Variants in DMBT1 observed in about 807,000 individuals in gnomAD.
The protein encoded by DMBT1 is deleted in malignant brain tumors 1.
In DMBT1, 198 loss-of-function variants were observed where a neutral mutation model predicts 252.9. That is an observed-to-expected ratio of 0.78 (90% CI 0.70 to 0.88). The LOEUF (loss-of-function observed/expected upper bound fraction) is 0.88, where lower values mean the gene tolerates loss of function less well. Among genes scored for constraint, DMBT1 ranks in the 40% least tolerant of loss-of-function variants. DMBT1 has a pLI of 0.00. For synonymous variants in DMBT1, 990 were observed against 942.7 expected (o/e 1.05, Z -0.92); for missense variants, 2,432 against 2,404.7 (o/e 1.01, Z -0.24).
rs561523976 is a variant in DMBT1, at chr10:122,593,581, G to A, written c.2513G>A (p.Arg838Gln). The A allele has an allele frequency of 4.4e-5, 70 of 1,587,044 alleles. 4 individuals are homozygous for A. In the African/African-American group the frequency reaches 6.5e-4, roughly 15 times the overall value. Residue 838 changes from arginine to glutamine, a missense_variant, in exon 21 of 56, where the codon CGG becomes CAG. Around this residue, in one of 3 missense-constraint regions of DMBT1, gnomAD observed 1,264 missense variants for 1,082.2 expected, o/e 1.17. Transcript: ENST00000338354. The part of the protein sequence containing the change: ...AGVICSVSQS[R>Q]PTPSPDTWPT... The stretch of plus-strand genomic sequence containing the variant: ...CTCTTTCTCACAGTTTCCCAGTCCC[G>A]GCCGACACCCAGTCCAGGTAGGTCC...
At position 122,636,156 on chromosome 10, in the gene DMBT1, G is replaced by A. The variant is rs773739198; in HGVS notation, c.6714G>A (p.Gly2238=). The A allele has an allele frequency of 1.1e-5, 17 of 1,613,842 alleles. No individual in the cohort carries two copies. The South Asian group carries it at 1.8e-4, about 17-fold the overall frequency. ...FISDHSITRR[G]FRAEYYSSPS... ...GTGACCACAGCATCACAAGGAGAGG[G>A]TTCCGGGCTGAGTACTACTCCAGTC... The change falls in exon 53 of 56, where the codon GGG becomes GGA. Residue 2238 remains glycine, a synonymous_variant. Coordinates refer to ENST00000338354, the MANE Select transcript of DMBT1 (RefSeq NM_001377530.1).
At chr10:122,572,970 A>G (rs1483572141) in intron 5 of DMBT1, among the ~76,000 whole-genome samples, 1 of 152,194 alleles carries the variant, frequency 6.6e-6, no homozygotes, top group Non-Finnish European at 1.5e-5. Flanking sequence ...TCCTGGACCT[A>G]ACCCAGCAAG....
At chr10:122,617,406 T>G (rs112800121) in intron 40 of DMBT1, 146 bp downstream of exon 40, 13 of 1,053,626 alleles carry the variant, frequency 1.2e-5, no homozygotes, top group Admixed American at 2.0e-5. Context: ...TTCTAGGGAG[T>G]CAGCCCTGGG....
intron 9 of DMBT1, 129 bp from the exon 10 acceptor site, chr10:122,579,449 G>T (rs1389235460): frequency 3.2e-6 from 5 of 1,547,046 alleles, no homozygotes; most frequent in African/African-American, 2.7e-5. Flanking sequence ...CCTAGTCTGT[G>T]GTCATATGCA....
intron 46 of DMBT1, 35 bp downstream of exon 46, chr10:122,626,000 A>G: frequency 6.3e-7 from 1 of 1,576,118 alleles, no homozygotes; most frequent in Non-Finnish European, 8.7e-7. Context: ...ACCATAGGTC[A>G]TACATTTCTT....
intron 44 of DMBT1, among the ~76,000 whole-genome samples, chr10:122,622,965 C>T (rs1235408455): frequency 6.6e-6 from 1 of 152,214 alleles, no homozygotes; most frequent in African/African-American, 2.4e-5. Flanking sequence ...CTCTCCCTGG[C>T]TGTTGCCCAT....
chr10:122,575,961 A>G (rs2097708226), intron 6 of DMBT1, among the ~76,000 whole-genome samples: 1 of 152,176 alleles, frequency 6.6e-6, no homozygotes, highest in African/African-American at 2.4e-5. Flanking sequence ...CTATAAGGCC[A>G]GGAATATCAC....
chr10:122,560,822 C>T lies in DMBT1; in HGVS notation c.52C>T (p.Leu18=), dbSNP rs1383390305. The T allele has an allele frequency of 6.4e-7, 1 of 1,569,276 alleles. No individual in the cohort carries two copies. The highest frequency in any genetic ancestry group is 8.7e-7 in the Non-Finnish European group (1 of 1,154,948). ...AATGTGTCTTTTATGGGGACAAGTT[C>T]TATCTACAGGTATTACGTTTAATTA... ...LEMCLLWGQV[L]STGGWIPRTT... is the part of the protein sequence containing the mutation. Residue 18 remains leucine (L), a synonymous_variant, in exon 1 of 56, where the codon CTA becomes TTA. Coordinates refer to ENST00000338354, the MANE Select transcript of DMBT1 (RefSeq NM_001377530.1).
chr10:122,579,618 C>T lies in DMBT1; in HGVS notation c.720C>T (p.Gly240=), dbSNP rs199795989. The change falls in exon 10 of 56, where the codon GGC becomes GGT. Residue 240 remains glycine, a synonymous_variant. Transcript: ENST00000338354. The stretch of plus-strand genomic sequence containing the variant: ...TGGCCCTGAGGCTGGTGAATGGAGG[C>T]GACAGGTGTCGAGGCCGAGTGGAGG... ...SSLALRLVNG[G]DRCRGRVEVL... 8.6e-5 allele frequency: 138 copies of T among 1,613,478 alleles called. No homozygotes were observed. The highest frequency in any genetic ancestry group is 3.7e-4 in the African/African-American group (28 of 75,022).
At chr10:122,633,045 T>C (rs2098179059) in intron 51 of DMBT1, 146 bp from the exon 52 acceptor site, 2 of 1,497,288 alleles carry the variant, frequency 1.3e-6, no homozygotes, top group South Asian at 1.3e-5. Flanking sequence ...ACGGTCCAGA[T>C]CTAGGCCACC....
intron 6 of DMBT1, 85 bp from the exon 7 acceptor site, chr10:122,576,313 AT>A: frequency 4.6e-6 from 7 of 1,536,224 alleles, no homozygotes; most frequent in Non-Finnish European, 6.2e-6. Context: ...ATATCTGCCT[AT>A]GGGGAAGACC....
At position 122,618,008 on chromosome 10, in the gene DMBT1, C is replaced by T. The variant is rs768390590; in HGVS notation, c.4892-9C>T. 4.3e-6 allele frequency: 7 copies of T among 1,612,096 alleles called. No individual in the cohort carries two copies. Among genetic ancestry groups the T allele is most frequent in the Non-Finnish European group, 5.1e-6 (6 of 1,179,712 alleles). ...GGGATGGATGAAGGGTTCTTGTGTTCCCCTGTAGGATCTGAATCCACTTTG... is the reference window on the plus strand; with the variant it reads ...GGGATGGATGAAGGGTTCTTGTGTTTCCCTGTAGGATCTGAATCCACTTTG... On this transcript the variant is annotated splice_polypyrimidine_tract_variant and intron_variant, in intron 40 of 55. Transcript: ENST00000338354.
At chr10:122,585,850 A>G (rs1011304660) in intron 15 of DMBT1, among the ~76,000 whole-genome samples, 1 of 148,786 alleles carries the variant, frequency 6.7e-6, no homozygotes, top group Non-Finnish European at 1.5e-5. Context: ...GTAGGGTCAC[A>G]GGTGCTTCCC....
chr10:122,621,371 A>G lies in DMBT1; in HGVS notation c.5599A>G (p.Ile1867Val). Reference protein sequence around the residue: ...NCGHHEDAGVICSATQINSTT... With the variant: ...NCGHHEDAGVVCSATQINSTT... ...TGGCCATCACGAAGACGCTGGTGTC[A>G]TCTGCTCAGGTGGGCCTTCAAGACC... The change falls in exon 44 of 56, where the codon ATC (isoleucine) becomes GTC (valine). Residue 1867 changes from isoleucine to valine, a missense_variant. Ile to Val is a conservative substitution (Grantham distance 29). This residue lies in a region of DMBT1 where 1,162 missense variants were observed against 1,169.0 expected (regional missense o/e 0.99). Transcript: ENST00000338354. The G allele has an allele frequency of 6.2e-7, 1 of 1,613,860 alleles. No individual in the cohort carries two copies. Among genetic ancestry groups the G allele is most frequent in the Non-Finnish European group, 8.5e-7 (1 of 1,179,748 alleles).
chr10:122,589,248 T>C lies in DMBT1; in HGVS notation c.2088T>C (p.Asp696=), dbSNP rs764944464. The change falls in exon 17 of 56, where the codon GAT becomes GAC. Residue 696 remains aspartate (D), a synonymous_variant. Coordinates refer to ENST00000338354, the MANE Select transcript of DMBT1 (RefSeq NM_001377530.1). ...WLSHNCGHHE[D]AGVICSAAQS... is the part of the protein sequence containing the mutation. ...CCCACAACTGTGGCCATCATGAAGA[T>C]GCTGGTGTCATCTGCTCAGGTGGGC... 1.5e-5 allele frequency: 24 copies of C among 1,588,524 alleles called. 6 individuals are homozygous for C. In the South Asian group the frequency reaches 2.0e-4, roughly 13 times the overall value.
intron 16 of DMBT1, among the ~76,000 whole-genome samples, chr10:122,587,386 G>C (rs139662701): frequency 2.0e-5 from 3 of 148,722 alleles, no homozygotes; most frequent in Non-Finnish European, 4.5e-5. Flanking sequence ...GGGGGTGTGA[G>C]TGCTTGATTG....
intron 41 of DMBT1, 101 bp from the exon 42 acceptor site, chr10:122,619,206 TG>T: frequency 6.9e-7 from 1 of 1,442,132 alleles, no homozygotes; most frequent in Non-Finnish European, 9.8e-7. Flanking sequence ...GGGACTAGGA[TG>T]GACTGAGTGT....
chr10:122,569,596 C>T (rs983153950), intron 2 of DMBT1, among the ~76,000 whole-genome samples: 9 of 152,140 alleles, frequency 5.9e-5, no homozygotes, highest in African/African-American at 1.7e-4. Context: ...TGGCATTTGC[C>T]GTATGGACTG....
chr10:122,592,157 C>T lies in DMBT1; in HGVS notation c.2177-115C>T, dbSNP rs1045528887. On this transcript the variant is annotated intron_variant, in intron 19 of 55. Transcript: ENST00000338354. ...ACCTCTGGTTGCAGTCGTATTCAAT[C>T]GTGACTGCTTGTCCAGGCGACCTTG... The T allele has an allele frequency of 2.9e-5, 43 of 1,463,196 alleles. 3 individuals are homozygous for T. Among genetic ancestry groups the T allele is most frequent in the Non-Finnish European group, 3.6e-5 (39 of 1,081,670 alleles). 90.6% of individuals were successfully genotyped at this position (1,463,196 alleles called of 1,614,324 possible).
Sources: allele counts gnomAD v4.1 joint callset (sites outside exome capture counted in the v4.1 genomes callset), GRCh38; gene constraint gnomAD v4.1.1; regional missense constraint gnomAD v4.1.1; transcripts MANE v1.5; gene names NCBI Gene and HGNC (gene_info 2026-07-23, HGNC 2026-07-21).